Variants in PIEZO1 observed in about 807,000 individuals in gnomAD.
PIEZO1 encodes piezo-type mechanosensitive ion channel component 1.
Under a neutral mutation model 297.2 loss-of-function variants are expected in PIEZO1, and 296 were observed. The ratio of observed to expected loss-of-function variants is 1.00; its 90% CI spans 0.91 to 1.10. The LOEUF (loss-of-function observed/expected upper bound fraction) is 1.10, where lower values mean the gene tolerates loss of function less well. Ranked by LOEUF, PIEZO1 falls within the 50% of genes least tolerant of loss-of-function variation. The pLI, the probability that PIEZO1 is intolerant of heterozygous loss-of-function variation, is 0.00. For synonymous variants in PIEZO1, 2,427 were observed against 1,507.5 expected, an observed-to-expected ratio of 1.61 and a Z score of -14.13; for missense variants, 5,018 against 3,455.5, an observed-to-expected ratio of 1.45 and a Z score of -11.34.
At chr16:88,725,193 C>T (rs1904335991) in intron 29 of PIEZO1, 113 bp from the exon 30 acceptor site, 3 of 795,004 alleles carry the variant, frequency 3.8e-6, no homozygotes, top group Non-Finnish European at 5.9e-6. Context: ...CGGACACCCA[C>T]AGTGACGGGG....
chr16:88,734,172 T>TGTGTCGCAACTC (rs1905057676), intron 16 of PIEZO1, 118 bp from the exon 17 acceptor site: 1 of 1,339,654 alleles, frequency 7.5e-7, no homozygotes. Context: ...GGTGCACAGC[T>TGTGTCGCAACTC]GTGTCGCAAC....
chr16:88,725,522 G>T lies in PIEZO1; in HGVS notation c.4059-3C>A. The T allele has an allele frequency of 6.5e-7, 1 of 1,538,662 alleles. No individual in the cohort carries two copies. Among genetic ancestry groups the T allele is most frequent in the Non-Finnish European group, 8.8e-7 (1 of 1,139,518 alleles). The stretch of plus-strand genomic sequence containing the variant: ...GCTTGGCACGGATACGCTCCATCCT[G>T]TGGTGGGGAAAGGTGGGGTATGCTG... On this transcript the variant is annotated splice_region_variant and splice_polypyrimidine_tract_variant and intron_variant, in intron 28 of 50. Coordinates refer to ENST00000301015, the MANE Select transcript of PIEZO1 (RefSeq NM_001142864.4).
intron 1 of PIEZO1, among the ~76,000 whole-genome samples, chr16:88,784,312 ACT>A (rs1415292012): frequency 5.3e-5 from 8 of 152,150 alleles, no homozygotes; most frequent in Admixed American, 1.3e-4. Flanking sequence ...AGGAACCCAC[ACT>A]ATTTTTTTCC....
At chr16:88,737,184 C>T (rs1024640846) in intron 10 of PIEZO1, 3 of 274,252 alleles carry the variant, frequency 1.1e-5, no homozygotes, top group Middle Eastern at 2.3e-3. Context: ...AGCCCCTGCC[C>T]TGGACGAGCG....
Position 88,731,856 on chromosome 16 carries a change from T to G in PIEZO1, c.3046A>C (p.Thr1016Pro). Residue 1016 changes from threonine to proline, a missense_variant, in exon 22 of 51, where the codon ACC (threonine) becomes CCC (proline). Thr to Pro is a conservative substitution (Grantham distance 38). Transcript: ENST00000301015. ...GCCACCAGCCAGCAACCGTGCAGGG[T>G]CACCAGAAAGTTCATGCGCTGCCCG... ...VIGQRMNFLVTLHGCWLVAIL... is the reference protein window; with the variant it reads ...VIGQRMNFLVPLHGCWLVAIL... The G allele has an allele frequency of 8.4e-6, 9 of 1,066,786 alleles. No homozygotes were observed. The highest frequency in any genetic ancestry group is 9.2e-6 in the Non-Finnish European group (8 of 869,096). 66.1% of individuals were successfully genotyped at this position (1,066,786 alleles called of 1,614,324 possible). A position where few individuals can be genotyped will look rare whatever the true frequency, so the allele number is the denominator to read the frequency against.
chr16:88,732,238 C>G, intron 21 of PIEZO1, 97 bp downstream of exon 21: 1 of 1,102,896 alleles, frequency 9.1e-7, no homozygotes. Context: ...CAGGCAAACC[C>G]AGGTGGGGCC....
intron 1 of PIEZO1, among the ~76,000 whole-genome samples, chr16:88,783,749 T>C (rs979756314): frequency 5.9e-5 from 9 of 152,234 alleles, no homozygotes; most frequent in African/African-American, 1.7e-4. Context: ...ATGGTTTTCA[T>C]TGATTCCTGT....
chr16:88,737,376 T>C, intron 10 of PIEZO1, 183 bp downstream of exon 10: 1 of 564,844 alleles, frequency 1.8e-6, no homozygotes, highest in Non-Finnish European at 3.1e-6. Context: ...ACATGGCCAC[T>C]CGGCTGCCCT....
chr16:88,738,659 C>G lies in PIEZO1; in HGVS notation c.543G>C (p.Arg181Ser). Residue 181 changes from arginine (R) to serine (S), a missense_variant, in exon 6 of 51, where the codon AGG becomes AGC. By Grantham distance (110) the Arg-to-Ser change is moderately radical. Transcript: ENST00000301015. ...QEAATLAPTR[R>S]SRLAARFRVT... ...CTCGGAAACGAGCGGCCAGCCGTGA[C>G]CTCCGTGTAGGGGCCAGCGTTGCTG... is the stretch of plus-strand genomic sequence containing the variant. The G allele has an allele frequency of 6.5e-7, 1 of 1,535,750 alleles. No homozygotes were observed. Among genetic ancestry groups the G allele is most frequent in the Non-Finnish European group, 8.7e-7 (1 of 1,146,776 alleles).
At chr16:88,736,126 G>T in intron 12 of PIEZO1, 22 bp downstream of exon 12, 1 of 1,527,984 alleles carries the variant, frequency 6.5e-7, no homozygotes. Context: ...AGGCACCCCC[G>T]GATGTGGTGG....
chr16:88,755,458 C>T (rs1357164064), intron 1 of PIEZO1, among the ~76,000 whole-genome samples: 2 of 152,206 alleles, frequency 1.3e-5, no homozygotes, highest in Non-Finnish European at 2.9e-5. Context: ...CCACCCCACC[C>T]GCCACGTTCC....
intron 1 of PIEZO1, among the ~76,000 whole-genome samples, chr16:88,751,650 T>G (rs1182324044): frequency 6.6e-6 from 1 of 151,438 alleles, no homozygotes. Flanking sequence ...AATCTAAAGT[T>G]TTTTGACGAT....
At chr16:88,741,224 C>G (rs1346537544) in intron 5 of PIEZO1, 1 of 438,016 alleles carries the variant, frequency 2.3e-6, no homozygotes, top group African/African-American at 2.0e-5. Context: ...TGAAGAGTTC[C>G]TAAGGGCACA....
intron 30 of PIEZO1, 35 bp from the exon 31 acceptor site, chr16:88,724,006 T>A (rs1237241917): frequency 1.5e-6 from 2 of 1,306,642 alleles, no homozygotes; most frequent in Admixed American, 4.0e-5. Context: ...CAGCCTTCCA[T>A]GCAGGGAGAC....
In PIEZO1 at chr16:88,715,484, A is replaced by C. The variant is rs1911923670; in HGVS notation, c.*121T>G. On this transcript the variant is annotated 3_prime_UTR_variant, in exon 51 of 51. Transcript: ENST00000301015. ...ATCAGGGCTCAGGCAGGCCGGGAGG[A>C]TGCATCACAGCTGGCGGCCTTGGAC... The C allele has an allele frequency of 9.2e-7, 1 of 1,084,566 alleles. No homozygotes were observed. The highest frequency in any genetic ancestry group is 1.6e-5 in the African/African-American group (1 of 64,338). 67.2% of individuals were successfully genotyped at this position (1,084,566 alleles called of 1,614,324 possible). A position where few individuals can be genotyped will look rare whatever the true frequency, so the allele number is the denominator to read the frequency against.
At position 88,742,099 on chromosome 16, in the gene PIEZO1, C is replaced by T. The variant is rs543289166; in HGVS notation, c.284-4G>A. On this transcript the variant is annotated splice_region_variant and splice_polypyrimidine_tract_variant and intron_variant, in intron 3 of 50. Coordinates refer to ENST00000301015, the MANE Select transcript of PIEZO1 (RefSeq NM_001142864.4). ...GAGAGGGTCTCCCAGCGGCTGCCTG[C>T]AGAGAAAGACGGGGGAACCCAGGTC... 1.3e-4 allele frequency: 192 copies of T among 1,535,910 alleles called. No homozygotes were observed. The East Asian group carries it at 2.8e-3, about 22-fold the overall frequency.
intron 12 of PIEZO1, among the ~76,000 whole-genome samples, chr16:88,735,946 C>T (rs1338211911): frequency 6.6e-6 from 1 of 152,250 alleles, no homozygotes. Flanking sequence ...CCCGTGCCAA[C>T]ACAAGGTTGT....
chr16:88,754,490 C>T (rs1293091377), intron 1 of PIEZO1, among the ~76,000 whole-genome samples: 4 of 152,192 alleles, frequency 2.6e-5, no homozygotes, highest in African/African-American at 7.2e-5. Flanking sequence ...GACCCACGCC[C>T]GGGTGGGAGA....
At chr16:88,737,841 A>C in intron 8 of PIEZO1, 27 bp from the exon 9 acceptor site, 1 of 1,534,668 alleles carries the variant, frequency 6.5e-7, no homozygotes, top group Non-Finnish European at 8.7e-7. Context: ...CTTGAGCCCA[A>C]ACCAGCTCCA....
Sources: allele counts gnomAD v4.1 joint callset (sites outside exome capture counted in the v4.1 genomes callset), GRCh38; gene constraint gnomAD v4.1.1; transcripts MANE v1.5; gene names NCBI Gene and HGNC (gene_info 2026-07-23, HGNC 2026-07-21).